SNCG: variants seen among roughly 807,000 people sequenced by gnomAD.
SNCG encodes gamma-synuclein.
In SNCG, 13 loss-of-function variants were observed where a neutral mutation model predicts 16.0. That is an observed-to-expected ratio of 0.81 (90% confidence interval 0.53 to 1.29). SNCG has a LOEUF of 1.29. Among genes scored for constraint, SNCG ranks in the 50% most tolerant of loss-of-function variants. SNCG has a pLI of 0.00. For missense variants in SNCG, 154 were observed against 168.5 expected, an observed-to-expected ratio of 0.91 and a Z score of 0.48; for synonymous variants, 66 against 66.3, an observed-to-expected ratio of 1.00 and a Z score of 0.02.
Position 86,962,607 on chromosome 10 carries a change from G to A in SNCG, c.295G>A (p.Asp99Asn). The change falls in exon 4 of 5, where the codon GAC (aspartate) becomes AAC (asparagine). Residue 99 changes from aspartate to asparagine, a missense_variant. Physicochemically the swap from Asp to Asn is conservative, Grantham distance 23 (BLOSUM62 1). Transcript: ENST00000372017. ...AVTSGVVRKEDLRPSAPQQEG... is the reference protein window; with the variant it reads ...AVTSGVVRKENLRPSAPQQEG... Reference sequence around the variant, plus strand: ...TGCCCCCTTTTGTCCCCTACAGGAGGACTTGAGGCCATCTGCCCCCCAACA... The same window carrying A: ...TGCCCCCTTTTGTCCCCTACAGGAGAACTTGAGGCCATCTGCCCCCCAACA... The A allele has an allele frequency of 6.2e-7, 1 of 1,611,464 alleles. No homozygotes were observed. The highest frequency in any genetic ancestry group is 8.5e-7 in the Non-Finnish European group (1 of 1,178,532).
Position 86,959,702 on chromosome 10 carries a change from A to G in SNCG, c.163+28A>G. The G allele has an allele frequency of 6.3e-7, 1 of 1,587,000 alleles. No homozygotes were observed. The highest frequency in any genetic ancestry group is 8.6e-7 in the Non-Finnish European group (1 of 1,164,310). ...GAGAAGCCCCAGGGCCAGGGGACACATGGGGGATAGGACCCCTGGGGCTCC... is the reference window on the plus strand; with the variant it reads ...GAGAAGCCCCAGGGCCAGGGGACACGTGGGGGATAGGACCCCTGGGGCTCC... On this transcript the variant is annotated intron_variant, in intron 2 of 4. Coordinates refer to ENST00000372017, the MANE Select transcript of SNCG (RefSeq NM_003087.3). The surrounding 1 kb of genome is among the most constrained non-coding windows in gnomAD (Gnocchi z 4.3).
rs1165611121 is a variant in SNCG, at chr10:86,959,195, C to A, written c.121+377C>A. On this transcript the variant is annotated intron_variant, in intron 1 of 4. Coordinates refer to ENST00000372017, the MANE Select transcript of SNCG (RefSeq NM_003087.3). This position sits in a 1 kb window ranked among gnomAD's most constrained non-coding sequence, Gnocchi z 4.3. ...GAGCGGCTACAGCCAGGTCACGGAT[C>A]CCCTCCCTCCCCAGAGAGAAGGGGC... 6.6e-6 allele frequency among the ~76,000 whole-genome samples: 1 copy of A among 152,146 alleles called. No homozygotes were observed. Among genetic ancestry groups the A allele is most frequent in the Non-Finnish European group, 1.5e-5 (1 of 68,006 alleles).
Position 86,960,125 on chromosome 10 carries a change from CA to C in SNCG, c.290del (p.Lys97ArgfsTer4). The C allele has an allele frequency of 6.2e-7, 1 of 1,611,500 alleles. No individual in the cohort carries two copies. Among genetic ancestry groups the C allele is most frequent in the South Asian group, 1.1e-5 (1 of 90,894 alleles). Reference protein sequence around the residue: ...NIAVTSGVVRKEDLRPSAPQQ... With the variant: ...NIAVTSGVVRXEDLRPSAPQQ... ...TCGCGGTCACCTCCGGGGTGGTGCGCAAGGTGAGCCCCGGCCCTCAGACCTG... is the reference window on the plus strand; with the variant it reads ...TCGCGGTCACCTCCGGGGTGGTGCGCAGGTGAGCCCCGGCCCTCAGACCTG... On this transcript the variant is annotated frameshift_variant and splice_region_variant, in exon 3 of 5. Transcript: ENST00000372017. LOFTEE classifies it high-confidence loss of function.
intron 3 of SNCG, among the ~76,000 whole-genome samples, chr10:86,962,289 C>G (rs1388293662): frequency 6.6e-6 from 1 of 152,280 alleles, no homozygotes; most frequent in Admixed American, 6.5e-5. Context: ...CACTCTAACC[C>G]CCACTCCACC....
intron 4 of SNCG, 129 bp from the exon 5 acceptor site, chr10:86,962,836 G>T: frequency 8.3e-7 from 1 of 1,208,818 alleles, no homozygotes; most frequent in Non-Finnish European, 1.2e-6. Flanking sequence ...CCCTGAACCT[G>T]AGTGGGAGGT....
chr10:86,957,245 G>A, upstream of SNCG: 1 of 925,068 alleles, frequency 1.1e-6, no homozygotes, highest in South Asian at 1.5e-5. Flanking sequence ...CAGCCTCACA[G>A]ATGGCCCAGA....
At chr10:86,962,854 C>T (rs1844380466) in intron 4 of SNCG, 111 bp from the exon 5 acceptor site, 6 of 1,315,432 alleles carry the variant, frequency 4.6e-6, no homozygotes, top group Admixed American at 2.1e-5. Flanking sequence ...GGTCCCCCCA[C>T]GGATGACCCC....
At position 86,960,038 on chromosome 10, in the gene SNCG, C is replaced by T. The variant is rs1844313798; in HGVS notation, c.201C>T (p.Ser67=). 4.3e-6 allele frequency: 7 copies of T among 1,611,204 alleles called. No individual in the cohort carries two copies. The highest frequency in any genetic ancestry group is 1.7e-5 in the Admixed American group (1 of 59,766). ...CCAAGGAGCAGGCCAACGCCGTGAG[C>T]GAGGCTGTGGTGAGCAGCGTCAACA... ...EKTKEQANAV[S]EAVVSSVNTV... is the part of the protein sequence containing the mutation. Residue 67 remains serine, a synonymous_variant, in exon 3 of 5, where the codon AGC becomes AGT. Coordinates refer to ENST00000372017, the MANE Select transcript of SNCG (RefSeq NM_003087.3).
chr10:86,962,550 C>A (rs1844372161), intron 3 of SNCG, 54 bp from the exon 4 acceptor site: 3 of 1,370,988 alleles, frequency 2.2e-6, no homozygotes, highest in South Asian at 2.5e-5. Flanking sequence ...TGCAGGGCAG[C>A]TAGGGGTCTC....
At chr10:86,958,393 G>A, upstream of SNCG, 1 of 985,354 alleles carries the variant, frequency 1.0e-6, no homozygotes, top group Non-Finnish European at 1.2e-6. Flanking sequence ...GCCCCCTCCA[G>A]CCCATGGAGG....
chr10:86,958,465 C>T (rs1032736260), upstream of SNCG: 1 of 985,414 alleles, frequency 1.0e-6, no homozygotes, highest in African/African-American at 1.7e-5. Context: ...CTCTGCCTTC[C>T]TATCCTGGAG....
At chr10:86,956,609 C>A (rs1262531747), upstream of SNCG, among the ~76,000 whole-genome samples, 1 of 152,228 alleles carries the variant, frequency 6.6e-6, no homozygotes, top group African/African-American at 2.4e-5. Flanking sequence ...GCTGTGTGGC[C>A]TTGGGCAAGC....
In SNCG at chr10:86,959,487, G is replaced by A; in HGVS notation, c.122-146G>A. The A allele has an allele frequency of 1.5e-6, 1 of 681,620 alleles. No individual in the cohort carries two copies. Among genetic ancestry groups the A allele is most frequent in the East Asian group, 2.7e-5 (1 of 36,990 alleles). 42.2% of individuals were successfully genotyped at this position (681,620 alleles called of 1,614,324 possible). A position where few individuals can be genotyped will look rare whatever the true frequency, so the allele number is the denominator to read the frequency against. ...CTTCTTCCAGACACAGCAGGAAGAG[G>A]CCCTCTGAAGGGGCCGCCGGCCCCC... On this transcript the variant is annotated intron_variant, in intron 1 of 4. Coordinates refer to ENST00000372017, the MANE Select transcript of SNCG (RefSeq NM_003087.3). The surrounding 1 kb of genome is among the most constrained non-coding windows in gnomAD (Gnocchi z 4.3).
At chr10:86,958,889 C>T in intron 1 of SNCG, 71 bp downstream of exon 1, 1 of 1,502,262 alleles carries the variant, frequency 6.7e-7, no homozygotes, top group Non-Finnish European at 9.0e-7. Flanking sequence ...TTCGCCAGAC[C>T]TTACTCCCCA....
At position 86,958,611 on chromosome 10, in the gene SNCG, G is replaced by A. The variant is rs182363578; in HGVS notation, c.-87G>A. Reference sequence around the variant, plus strand: ...AGGAGGCATCGGGGACAGCCGCTGCGGCAGCACTCGAGCCAGCTCAAGCCC... The same window carrying A: ...AGGAGGCATCGGGGACAGCCGCTGCAGCAGCACTCGAGCCAGCTCAAGCCC... On this transcript the variant is annotated 5_prime_UTR_variant, in exon 1 of 5. Coordinates refer to ENST00000372017, the MANE Select transcript of SNCG (RefSeq NM_003087.3). The A allele has an allele frequency of 1.1e-4, 179 of 1,582,548 alleles. No homozygotes were observed. In the African/African-American group the frequency reaches 1.4e-3, roughly 13 times the overall value.
upstream of SNCG, chr10:86,957,293 A>C: frequency 7.2e-7 from 1 of 1,397,990 alleles, no homozygotes; most frequent in Non-Finnish European, 1.0e-6. Flanking sequence ...ATGGGACCCC[A>C]GTGAGGTCTA....
chr10:86,958,013 A>G (rs575081915), upstream of SNCG: 10 of 1,011,362 alleles, frequency 9.9e-6, no homozygotes, highest in East Asian at 4.3e-4. Flanking sequence ...GGAAGGGACT[A>G]TTCTGGGGTC....
chr10:86,959,740 C>A lies in SNCG; in HGVS notation c.163+66C>A. 6.8e-7 allele frequency: 1 copy of A among 1,473,192 alleles called. No individual in the cohort carries two copies. Among genetic ancestry groups the A allele is most frequent in the Non-Finnish European group, 9.2e-7 (1 of 1,083,656 alleles). The allele number at this position is 1,473,192 out of a possible 1,614,324, so 91.3% of individuals were successfully genotyped here. On this transcript the variant is annotated intron_variant, in intron 2 of 4. Transcript: ENST00000372017. This position sits in a 1 kb window ranked among gnomAD's most constrained non-coding sequence, Gnocchi z 4.3. ...CCCCTGGGGCTCCTGCATCCTAGTG[C>A]TGGGGCTCAAACCTAGAGTCCTGCC... is the stretch of plus-strand genomic sequence containing the variant.
chr10:86,957,974 C>T (rs932266690), upstream of SNCG: 11 of 1,019,564 alleles, frequency 1.1e-5, no homozygotes, highest in Non-Finnish European at 1.3e-5. Context: ...GCCTCCTCAG[C>T]ACCTTCAGCA....
Sources: gnomAD v4.1 joint callset for allele counts (sites outside exome capture counted in the v4.1 genomes callset) on GRCh38, gnomAD v4.1.1 for gene constraint, Gnocchi (gnomAD v3.1) non-coding constraint, MANE v1.5 for transcripts, NCBI Gene and HGNC (gene_info 2026-07-23, HGNC 2026-07-21) for gene names.